The following URI1 variants were observed in gnomAD, a reference collection of about 807,000 sequenced individuals.
URI1 encodes URI1 prefoldin like chaperone, also known as unconventional prefoldin RPB5 interactor 1.
Under a neutral mutation model 60.2 loss-of-function variants are expected in URI1, and 39 were observed. That is an observed-to-expected ratio of 0.65 (90% CI 0.50 to 0.85). The LOEUF is 0.85. URI1 is among the 40% of genes least tolerant of loss of function. The pLI, the probability that URI1 is intolerant of heterozygous loss-of-function variation, is 0.00. For missense variants in URI1, 691 were observed against 665.9 expected, an observed-to-expected ratio of 1.04 and a Z score of -0.42; for synonymous variants, 251 against 236.8, an observed-to-expected ratio of 1.06 and a Z score of -0.55.
chr19:29,942,591 C>G lies in URI1; in HGVS notation c.44C>G (p.Pro15Arg). The G allele has an allele frequency of 4.9e-6, 7 of 1,436,940 alleles. No homozygotes were observed. Among genetic ancestry groups the G allele is most frequent in the Non-Finnish European group, 6.4e-6 (7 of 1,099,330 alleles). The allele number at this position is 1,436,940 out of a possible 1,614,324, so 89.0% of individuals were successfully genotyped here. A position where few individuals can be genotyped will look rare whatever the true frequency, so the allele number is the denominator to read the frequency against. ...GAGACGCCCCCCGACCCCTCGCCCC[C>G]TTCGGCCCCGGCCCCTGCCCTGGTT... The part of the protein sequence containing the change: ...TVETPPDPSP[P>R]SAPAPALVPL... The change falls in exon 1 of 11, where the codon CCT (proline) becomes CGT (arginine). Residue 15 changes from proline (P) to arginine (R), a missense_variant. Pro to Arg is a moderately radical substitution (Grantham distance 103, BLOSUM62 -2). Transcript: ENST00000392271.
At chr19:29,975,483 A>G (rs1288616321) in intron 2 of URI1, among the ~76,000 whole-genome samples, 1 of 148,998 alleles carries the variant, frequency 6.7e-6, no homozygotes, top group Non-Finnish European at 1.5e-5. Flanking sequence ...TTGTCCCCTA[A>G]TTCTCAGTTC....
At position 29,934,049 on chromosome 19, in the gene URI1, C is replaced by T. The variant is rs140941985; in HGVS notation, c.63+10295C>T. On this transcript the variant is annotated intron_variant, in intron 1 of 10. Coordinates refer to the URI1 transcript ENST00000360605. ...CTCCCAGGTTCCAGTGATTCTCCTGCCTCAGCCTCCCAAGTAGCTGGGATT... is the reference window on the plus strand; with the variant it reads ...CTCCCAGGTTCCAGTGATTCTCCTGTCTCAGCCTCCCAAGTAGCTGGGATT... Among the ~76,000 whole-genome samples, 740 of 149,664 alleles carry T rather than the reference C, an allele frequency of 4.9e-3. 4 individuals are homozygous for T. Among genetic ancestry groups the T allele is most frequent in the African/African-American group, 0.017 (699 of 40,632 alleles).
intron 1 of URI1, chr19:29,956,307 AG>A: frequency 3.8e-6 from 2 of 522,012 alleles, no homozygotes; most frequent in Non-Finnish European, 5.8e-6. Flanking sequence ...TTTTTTTTTA[AG>A]AAGGTCCAAA....
chr19:29,939,526 C>T (rs1203133321), upstream of URI1, among the ~76,000 whole-genome samples: 2 of 145,968 alleles, frequency 1.4e-5, no homozygotes, highest in Non-Finnish European at 3.0e-5. Context: ...CGCCTGCCTC[C>T]ACCTCCCAAA....
At chr19:30,011,549 G>T (rs755204402) in intron 9 of URI1, among the ~76,000 whole-genome samples, 1 of 150,236 alleles carries the variant, frequency 6.7e-6, no homozygotes. Flanking sequence ...AGGTCCCTAC[G>T]TTTCTACCAC....
Position 29,978,569 on chromosome 19 carries a change from A to G in URI1, c.153-6654A>G, listed in dbSNP as rs560186930. The stretch of plus-strand genomic sequence containing the variant: ...GTCCTGTTTGAGGATGAAGATGTGA[A>G]TATTGCAACAACCACAGTGCTTGTC... On this transcript the variant is annotated intron_variant, in intron 2 of 10. Coordinates refer to ENST00000392271, the MANE Select transcript of URI1 (RefSeq NM_003796.3). Among the ~76,000 whole-genome samples the G allele has an allele frequency of 5.9e-5, 9 of 152,282 alleles. No homozygotes were observed. In the South Asian group the frequency reaches 1.9e-3, roughly 32 times the overall value.
At chr19:29,929,055 C>T (rs1342334819) in intron 1 of URI1, among the ~76,000 whole-genome samples, 1 of 152,182 alleles carries the variant, frequency 6.6e-6, no homozygotes, top group African/African-American at 2.4e-5. Flanking sequence ...CACATGTATA[C>T]TGAAACCGTG....
intron 1 of URI1, among the ~76,000 whole-genome samples, chr19:29,936,238 G>C (rs1026233575): frequency 6.6e-6 from 1 of 152,074 alleles, no homozygotes; most frequent in African/African-American, 2.4e-5. Flanking sequence ...CAAGTAGATA[G>C]GATTACAGGT....
chr19:29,950,833 T>C (rs1022686678), intron 1 of URI1, among the ~76,000 whole-genome samples: 1 of 152,242 alleles, frequency 6.6e-6, no homozygotes, highest in Non-Finnish European at 1.5e-5. Flanking sequence ...TCTTCTTTCA[T>C]CTAAAATTAT....
chr19:29,942,569 ACGCCCCCCGACCCCT>A lies in URI1; in HGVS notation c.30_44del (p.Asp11_Pro15del). The A allele has an allele frequency of 7.0e-7, 1 of 1,419,716 alleles. No individual in the cohort carries two copies. The highest frequency in any genetic ancestry group is 1.4e-5 in the South Asian group (1 of 70,296). The allele number at this position is 1,419,716 out of a possible 1,614,324, so 87.9% of individuals were successfully genotyped here. The stretch of plus-strand genomic sequence containing the variant: ...CGTCATGGAGGCGCCCACCGTGGAG[ACGCCCCCCGACCCCT>A]CGCCCCCTTCGGCCCCGGCCCCTGC... On this transcript the variant is annotated inframe_deletion, in exon 1 of 11. Coordinates refer to ENST00000392271, the MANE Select transcript of URI1 (RefSeq NM_003796.3).
rs1432672142 is a variant in URI1 at position 30,016,457 on chromosome 19, A to C, written c.*1388A>C. 6.6e-6 allele frequency: 1 copy of C among 152,138 alleles called. No individual in the cohort carries two copies. The highest frequency in any genetic ancestry group is 1.5e-5 in the Non-Finnish European group (1 of 67,952). 9.4% of individuals were successfully genotyped at this position (152,138 alleles called of 1,614,324 possible). On this transcript the variant is annotated 3_prime_UTR_variant, in exon 11 of 11. Transcript: ENST00000392271. ...CAAAACCAAAGCAGAAATTACACAC[A>C]CAAAGATGCTCCCGTTAGGAATTGC...
intron 1 of URI1, among the ~76,000 whole-genome samples, chr19:29,928,841 C>G (rs1219153799): frequency 3.9e-5 from 6 of 152,144 alleles, no homozygotes. Context: ...CCTGGCAACT[C>G]TAAGTGTGAA....
Position 30,015,585 on chromosome 19 carries a change from T to C in URI1, c.*516T>C, listed in dbSNP as rs1358126421. On this transcript the variant is annotated 3_prime_UTR_variant, in exon 11 of 11. Transcript: ENST00000392271. ...AGAAACCTCGCCCCTCTGAATGTCA[T>C]ACTGTAATCTTTAAGGAAGAAAGCT... is the stretch of plus-strand genomic sequence containing the variant. 7.2e-6 allele frequency: 11 copies of C among 1,532,300 alleles called. No individual in the cohort carries two copies. Among genetic ancestry groups the C allele is most frequent in the Non-Finnish European group, 9.6e-6 (11 of 1,144,634 alleles). The allele number at this position is 1,532,300 out of a possible 1,614,324, so 94.9% of individuals were successfully genotyped here.
chr19:29,948,031 A>G (rs2055124111), intron 1 of URI1, among the ~76,000 whole-genome samples: 1 of 152,188 alleles, frequency 6.6e-6, no homozygotes, highest in Non-Finnish European at 1.5e-5. Flanking sequence ...TTTATTGGAA[A>G]GAGTGTCATG....
chr19:29,966,681 A>AC (rs1464420040), intron 1 of URI1, among the ~76,000 whole-genome samples: 1 of 152,230 alleles, frequency 6.6e-6, no homozygotes, highest in East Asian at 1.9e-4. Context: ...AGTAACTGTC[A>AC]CATAACATGT....
rs945840288 is a variant in URI1 at position 30,008,232 on chromosome 19, G to T, written c.686+594G>T. ...AAATGCTAAATGAAATCTGCTACTCGAGAAGTTCTATATTATTTTGCTTAA... is the reference window on the plus strand; with the variant it reads ...AAATGCTAAATGAAATCTGCTACTCTAGAAGTTCTATATTATTTTGCTTAA... On this transcript the variant is annotated intron_variant, in intron 7 of 10. Transcript: ENST00000392271. Among the ~76,000 whole-genome samples, 5 of 152,186 alleles carry T rather than the reference G, an allele frequency of 3.3e-5. No homozygotes were observed. In the South Asian group the frequency reaches 1.0e-3, roughly 32 times the overall value.
chr19:30,009,444 A>G, intron 8 of URI1, 91 bp downstream of exon 8: 2 of 1,193,544 alleles, frequency 1.7e-6, no homozygotes, highest in African/African-American at 1.5e-5. Flanking sequence ...AACAATCATT[A>G]TCATTGTGGA....
At chr19:29,971,005 A>G (rs1163929740) in intron 1 of URI1, 188 bp from the exon 2 acceptor site, 7 of 596,240 alleles carry the variant, frequency 1.2e-5, no homozygotes, top group Non-Finnish European at 1.8e-5. Context: ...AGCCTGCATT[A>G]GAGGGTTATG....
chr19:29,952,913 G>A (rs1161623914), intron 1 of URI1, among the ~76,000 whole-genome samples: 2 of 152,104 alleles, frequency 1.3e-5, no homozygotes, highest in African/African-American at 4.8e-5. Context: ...TATACATTTT[G>A]TTGCTTGTGT....
Sources: gnomAD v4.1 joint callset for allele counts (sites outside exome capture counted in the v4.1 genomes callset) on GRCh38, gnomAD v4.1.1 for gene constraint, MANE v1.5 for transcripts, NCBI Gene and HGNC (gene_info 2026-07-23, HGNC 2026-07-21) for gene names.